GNB1L: variants seen among roughly 807,000 people sequenced by gnomAD.
GNB1L encodes G protein subunit beta 1 like, also known as guanine nucleotide-binding protein subunit beta-like protein 1.
A neutral mutation model predicts 29.1 loss-of-function variants in GNB1L; 20 were observed. That is an observed-to-expected ratio of 0.69 (90% CI 0.48 to 1.00). The LOEUF (loss-of-function observed/expected upper bound fraction) is 1.00, where lower values mean the gene tolerates loss of function less well. Ranked by LOEUF, GNB1L falls within the 50% of genes least tolerant of loss-of-function variation. The probability of loss-of-function intolerance (pLI) is 0.00; values close to 1 mark genes in which losing one functional copy is unlikely to be tolerated. For missense variants in GNB1L, 421 were observed against 464.9 expected, an observed-to-expected ratio of 0.91 and a Z score of 0.87; for synonymous variants, 193 against 206.5, an observed-to-expected ratio of 0.93 and a Z score of 0.56.
intron 4 of GNB1L, among the ~76,000 whole-genome samples, chr22:19,819,935 A>T (rs1937564790): frequency 6.6e-6 from 1 of 152,080 alleles, no homozygotes; most frequent in Admixed American, 6.5e-5. Context: ...GCCCCTGGCC[A>T]CTCAGCCACC....
At chr22:19,847,823 A>AAT in intron 2 of GNB1L, 1 of 929,082 alleles carries the variant, frequency 1.1e-6, no homozygotes, top group Non-Finnish European at 1.3e-6. Context: ...AAAAAAAAAA[A>AAT]AATTCACCCA....
At chr22:19,850,957 G>T in intron 2 of GNB1L, 1 of 1,375,696 alleles carries the variant, frequency 7.3e-7, no homozygotes, top group Non-Finnish European at 9.4e-7. Flanking sequence ...CCAGCAGCAG[G>T]GAAAGGGCAC....
intron 2 of GNB1L, among the ~76,000 whole-genome samples, chr22:19,845,343 G>GC (rs991736983): frequency 2.6e-5 from 4 of 152,124 alleles, no homozygotes; most frequent in African/African-American, 9.7e-5. Context: ...CTCACTGAGG[G>GC]CCCCCCCTAT....
At chr22:19,793,722 C>T (rs1937276609) in intron 7 of GNB1L, among the ~76,000 whole-genome samples, 1 of 152,170 alleles carries the variant, frequency 6.6e-6, no homozygotes, top group African/African-American at 2.4e-5. Flanking sequence ...CATGAGTTCT[C>T]ATCAGAAACA....
chr22:19,791,124 C>T (rs1937248951), intron 7 of GNB1L, among the ~76,000 whole-genome samples: 1 of 152,118 alleles, frequency 6.6e-6, no homozygotes, highest in Admixed American at 6.5e-5. Context: ...TCCCAGCTTA[C>T]TGGGAGGCTG....
At chr22:19,819,288 G>C (rs1937559481) in intron 4 of GNB1L, among the ~76,000 whole-genome samples, 1 of 152,258 alleles carries the variant, frequency 6.6e-6, no homozygotes, top group African/African-American at 2.4e-5. Context: ...TGTGAGCTGG[G>C]TAACCTCAGG....
chr22:19,812,792 G>A (rs1218547316), intron 4 of GNB1L, among the ~76,000 whole-genome samples: 3 of 152,210 alleles, frequency 2.0e-5, no homozygotes, highest in African/African-American at 7.2e-5. Context: ...CTCCCAGGGT[G>A]CCAGGATCCC....
chr22:19,799,085 G>T (rs1937339131), intron 7 of GNB1L, among the ~76,000 whole-genome samples: 1 of 152,374 alleles, frequency 6.6e-6, no homozygotes, highest in East Asian at 1.9e-4. Context: ...CTGCTGTGCA[G>T]ATGGGAGCGC....
intron 6 of GNB1L, among the ~76,000 whole-genome samples, chr22:19,805,044 A>G (rs2145870023): frequency 6.6e-6 from 1 of 152,288 alleles, no homozygotes; most frequent in Non-Finnish European, 1.5e-5. Flanking sequence ...CATGGAGCCC[A>G]GTGACCCAGG....
At chr22:19,797,738 C>A (rs1937323151) in intron 7 of GNB1L, among the ~76,000 whole-genome samples, 1 of 152,232 alleles carries the variant, frequency 6.6e-6, no homozygotes, top group African/African-American at 2.4e-5. Flanking sequence ...CAGCTTGTCT[C>A]TCAAGGCCAA....
At position 19,788,101 on chromosome 22, in the gene GNB1L, G is replaced by A. The variant is rs995056926; in HGVS notation, c.*608C>T. Reference sequence around the variant, plus strand: ...CTGTGCGCTGCAAGCCCCCCTTGCCGTCCCTCACAGGCACCTTTCTCTGCT... The same window carrying A: ...CTGTGCGCTGCAAGCCCCCCTTGCCATCCCTCACAGGCACCTTTCTCTGCT... On this transcript the variant is annotated 3_prime_UTR_variant, in exon 8 of 8. Coordinates refer to ENST00000329517, the MANE Select transcript of GNB1L (RefSeq NM_053004.3). 5.5e-5 allele frequency: 9 copies of A among 164,024 alleles called. No homozygotes were observed. Among genetic ancestry groups the A allele is most frequent in the Admixed American group, 1.8e-4 (3 of 17,042 alleles). The allele number at this position is 164,024 out of a possible 1,614,324, so 10.2% of individuals were successfully genotyped here. A position where few individuals can be genotyped will look rare whatever the true frequency, so the allele number is the denominator to read the frequency against.
rs1937212555 is a variant in GNB1L, at chr22:19,788,493, G to GCTGGCCCCC, written c.*215_*216insGGGGGCCAG. The GCTGGCCCCC allele has an allele frequency of 1.5e-6, 1 of 669,752 alleles. No homozygotes were observed. Among genetic ancestry groups the GCTGGCCCCC allele is most frequent in the African/African-American group, 1.8e-5 (1 of 55,810 alleles). The allele number at this position is 669,752 out of a possible 1,614,324, so 41.5% of individuals were successfully genotyped here. On this transcript the variant is annotated 3_prime_UTR_variant, in exon 8 of 8. Coordinates refer to ENST00000329517, the MANE Select transcript of GNB1L (RefSeq NM_053004.3). ...AAGCCAACGTCTCCTGCAGGCCTCG[G>GCTGGCCCCC]ACGGCCAGGGCTCTGGCTGGCCCCC...
At chr22:19,817,109 G>A (rs1601333836) in intron 4 of GNB1L, among the ~76,000 whole-genome samples, 3 of 152,178 alleles carry the variant, frequency 2.0e-5, no homozygotes, top group African/African-American at 4.8e-5. Context: ...AGGAACTCCC[G>A]GCAAGACACA....
At chr22:19,847,329 G>A in intron 2 of GNB1L, 2 of 985,374 alleles carry the variant, frequency 2.0e-6, no homozygotes, top group Non-Finnish European at 2.4e-6. Flanking sequence ...GACTGATCCT[G>A]CAGGGTAACA....
chr22:19,816,590 TCACATGCATG>T lies in GNB1L; in HGVS notation c.254+3998_254+4007del, dbSNP rs1937525371. Among the ~76,000 whole-genome samples, 1 of 151,880 alleles carries T rather than the reference TCACATGCATG, an allele frequency of 6.6e-6. No individual in the cohort carries two copies. The highest frequency in any genetic ancestry group is 1.5e-5 in the Non-Finnish European group (1 of 67,970). ...ACGGGCTAGGGAACACACACATGCC[TCACATGCATG>T]CACACAACACACAATCACACACACC... On this transcript the variant is annotated intron_variant, in intron 4 of 7. Transcript: ENST00000329517. The surrounding 1 kb of genome is among the most constrained non-coding windows in gnomAD (Gnocchi z 4.4).
chr22:19,848,428 C>T (rs937894927), intron 2 of GNB1L: 10 of 985,322 alleles, frequency 1.0e-5, no homozygotes, highest in African/African-American at 5.2e-5. Context: ...GCAGCTTGGT[C>T]ATCATCTGTC....
intron 2 of GNB1L, among the ~76,000 whole-genome samples, chr22:19,853,554 G>T (rs1938160892): frequency 6.6e-6 from 1 of 152,160 alleles, no homozygotes; most frequent in South Asian, 2.1e-4. Context: ...CACAAGGCCT[G>T]CACACACCTT....
At chr22:19,821,455 T>C in intron 2 of GNB1L, 80 bp from the exon 3 acceptor site, 6 of 1,344,366 alleles carry the variant, frequency 4.5e-6, no homozygotes, top group African/African-American at 1.4e-5. Flanking sequence ...ACAGGGGTGC[T>C]TGAGATGTTG....
At chr22:19,820,021 CATAA>C (rs1569046863) in intron 4 of GNB1L, among the ~76,000 whole-genome samples, 2 of 152,152 alleles carry the variant, frequency 1.3e-5, no homozygotes, top group Non-Finnish European at 2.9e-5. Flanking sequence ...GGTGCATTGT[CATAA>C]CCTAGTGAAG....
Sources: gnomAD v4.1 joint callset for allele counts (sites outside exome capture counted in the v4.1 genomes callset) on GRCh38, gnomAD v4.1.1 for gene constraint, Gnocchi (gnomAD v3.1) non-coding constraint, MANE v1.5 for transcripts, NCBI Gene and HGNC (gene_info 2026-07-23, HGNC 2026-07-21) for gene names.